Variants in ABCC2 observed in about 807,000 individuals in gnomAD.
The protein encoded by ABCC2 is ATP binding cassette subfamily C member 2, also known as ATP-binding cassette sub-family C member 2.
In ABCC2, 157 loss-of-function variants were observed where a neutral mutation model predicts 173.4. The observed-to-expected ratio is 0.91, with a 90% CI of 0.80 to 1.03. The LOEUF (loss-of-function observed/expected upper bound fraction) is 1.03, where lower values mean the gene tolerates loss of function less well. Among genes scored for constraint, ABCC2 ranks in the 50% least tolerant of loss-of-function variants. The pLI is 0.00. For synonymous variants in ABCC2, 657 were observed against 693.5 expected (o/e 0.95, Z 0.83); for missense variants, 1,822 against 1,852.3 (o/e 0.98, Z 0.30).
intron 19 of ABCC2, among the ~76,000 whole-genome samples, chr10:99,829,529 G>A (rs2038703231): frequency 7.3e-6 from 1 of 137,414 alleles, no homozygotes; most frequent in Non-Finnish European, 1.6e-5. Context: ...CCCCACTGAT[G>A]CCCACACTGT....
chr10:99,807,315 G>A, intron 11 of ABCC2, 69 bp from the exon 12 acceptor site: 2 of 1,591,704 alleles, frequency 1.3e-6, no homozygotes, highest in South Asian at 1.1e-5. Flanking sequence ...TAAAACATGG[G>A]TGGATCAGAT....
At chr10:99,786,028 T>C (rs939948427) in intron 2 of ABCC2, among the ~76,000 whole-genome samples, 1 of 152,212 alleles carries the variant, frequency 6.6e-6, no homozygotes, top group Non-Finnish European at 1.5e-5. Context: ...GTCTCAGAGC[T>C]TGGGACAGTG....
chr10:99,797,198 A>C lies in ABCC2; in HGVS notation c.734A>C (p.His245Pro). The C allele has an allele frequency of 6.2e-7, 1 of 1,614,206 alleles. No individual in the cohort carries two copies. The highest frequency in any genetic ancestry group is 1.1e-5 in the South Asian group (1 of 91,086). The change falls in exon 7 of 32, where the codon CAC becomes CCC. Residue 245 changes from histidine (H) to proline (P), a missense_variant. Transcript: ENST00000647814. ...TKTLVSKFETHMKRELQKARR... is the reference protein window; with the variant it reads ...TKTLVSKFETPMKRELQKARR... The stretch of plus-strand genomic sequence containing the variant: ...ACATTAGTGAGCAAGTTTGAAACGC[A>C]CATGAAGAGAGAGCTGCAGAAAGCC...
intron 19 of ABCC2, 80 bp downstream of exon 19, chr10:99,819,349 C>T (rs916060941): frequency 7.5e-7 from 1 of 1,339,198 alleles, no homozygotes; most frequent in East Asian, 2.3e-5. Flanking sequence ...CTGAACTGCT[C>T]AGTATCCAGT....
At chr10:99,790,134 GT>G (rs762242119) in intron 2 of ABCC2, among the ~76,000 whole-genome samples, 2 of 152,192 alleles carry the variant, frequency 1.3e-5, no homozygotes, top group Non-Finnish European at 2.9e-5. Context: ...AAATGACTGA[GT>G]TAAGGATATG....
At chr10:99,827,478 A>G (rs2038664503) in intron 19 of ABCC2, among the ~76,000 whole-genome samples, 1 of 152,054 alleles carries the variant, frequency 6.6e-6, no homozygotes, top group Admixed American at 6.5e-5. Flanking sequence ...ATTACAATCT[A>G]CTATACAGCT....
chr10:99,801,458 G>A (rs1013124599), intron 9 of ABCC2, among the ~76,000 whole-genome samples: 1 of 152,076 alleles, frequency 6.6e-6, no homozygotes, highest in Admixed American at 6.6e-5. Context: ...GGATGGTCTC[G>A]ATCTCCTGAC....
intron 14 of ABCC2, among the ~76,000 whole-genome samples, chr10:99,810,491 C>G (rs569451166): frequency 6.6e-6 from 1 of 152,276 alleles, no homozygotes; most frequent in East Asian, 1.9e-4. Context: ...CAGGATAGAG[C>G]CAAGTGTGTG....
chr10:99,850,889 T>C, intron 31 of ABCC2, 93 bp downstream of exon 31: 1 of 1,433,152 alleles, frequency 7.0e-7, no homozygotes, highest in South Asian at 1.2e-5. Flanking sequence ...GCAGAAGGTT[T>C]AACCACCACC....
At chr10:99,813,997 A>G (rs1470320518) in intron 16 of ABCC2, among the ~76,000 whole-genome samples, 2 of 151,862 alleles carry the variant, frequency 1.3e-5, no homozygotes, top group African/African-American at 4.8e-5. Flanking sequence ...TGAGAGCTAA[A>G]TCTTTGATGG....
At chr10:99,799,075 A>T in intron 7 of ABCC2, 132 bp from the exon 8 acceptor site, 1 of 935,652 alleles carries the variant, frequency 1.1e-6, no homozygotes, top group South Asian at 1.4e-5. Flanking sequence ...GGGCAGAAGC[A>T]ACTAGGCCAG....
At chr10:99,787,116 C>A in intron 2 of ABCC2, among the ~76,000 whole-genome samples, 2 of 147,762 alleles carry the variant, frequency 1.4e-5, no homozygotes, top group African/African-American at 2.5e-5. Flanking sequence ...TACAGTGAGC[C>A]AAGATCGTGC....
chr10:99,805,588 G>GT, intron 11 of ABCC2, 141 bp downstream of exon 11: 1 of 843,232 alleles, frequency 1.2e-6, no homozygotes, highest in Non-Finnish European at 2.1e-6. Context: ...ATGTCCTCCT[G>GT]TCCCTCTCAG....
chr10:99,835,196 C>T (rs2038800866), intron 24 of ABCC2, among the ~76,000 whole-genome samples: 2 of 152,174 alleles, frequency 1.3e-5, no homozygotes, highest in African/African-American at 4.8e-5. Context: ...GAATTGTTTG[C>T]CTGGGGAAAC....
intron 12 of ABCC2, among the ~76,000 whole-genome samples, 185 bp downstream of exon 12, chr10:99,807,706 T>C (rs910493685): frequency 6.6e-6 from 1 of 152,234 alleles, no homozygotes; most frequent in African/African-American, 2.4e-5. Flanking sequence ...AGCTCTAGTT[T>C]CACCTTCGTG....
At chr10:99,841,945 C>T in intron 25 of ABCC2, 22 bp from the exon 26 acceptor site, 11 of 1,614,090 alleles carry the variant, frequency 6.8e-6, no homozygotes, top group South Asian at 1.1e-5. Flanking sequence ...GACACGCACT[C>T]TCTGGTTCTG....
chr10:99,839,345 C>T (rs1403076697), intron 25 of ABCC2, among the ~76,000 whole-genome samples: 1,067 of 84,526 alleles, frequency 0.013, no homozygotes, highest in East Asian at 0.043. Context: ...CCGGACAGGG[C>T]GGCTGGCTGG....
rs1315180733 is a variant in ABCC2 at position 99,797,336 on chromosome 10, C to T, written c.867+5C>T. On this transcript the variant is annotated splice_donor_5th_base_variant and intron_variant, in intron 7 of 31. Transcript: ENST00000647814. ...AGCCAAGATGCCCTTGTCCTGGTAACTTTCCCTTGAGTGTCTGTGTGAGCG... is the reference window on the plus strand; with the variant it reads ...AGCCAAGATGCCCTTGTCCTGGTAATTTTCCCTTGAGTGTCTGTGTGAGCG... 1.2e-6 allele frequency: 2 copies of T among 1,608,922 alleles called. No homozygotes were observed. The highest frequency in any genetic ancestry group is 1.3e-5 in the African/African-American group (1 of 74,852).
rs1467216756 is a variant in ABCC2, at chr10:99,789,707, C to CT, written c.208-2526dup. ...CCTGGGTGACAGAGCGAAACTCCGTCTCAAAAAAAAAAAAAAAAAGAAAAA... is the reference window on the plus strand; with the variant it reads ...CCTGGGTGACAGAGCGAAACTCCGTCTTCAAAAAAAAAAAAAAAAAGAAAAA... On this transcript the variant is annotated intron_variant, in intron 2 of 31. Coordinates refer to ENST00000647814, the MANE Select transcript of ABCC2 (RefSeq NM_000392.5). Among the ~76,000 whole-genome samples, 446 of 67,686 alleles carry CT rather than the reference C, an allele frequency of 6.6e-3. 3 individuals are homozygous for CT. The highest frequency in any genetic ancestry group is 0.017 in the South Asian group (30 of 1,790). The allele number at this position is 67,686 out of a possible 152,430, so 44.4% of individuals were successfully genotyped here. A position where few individuals can be genotyped will look rare whatever the true frequency, so the allele number is the denominator to read the frequency against.
Sources: gnomAD v4.1 joint callset for allele counts (sites outside exome capture counted in the v4.1 genomes callset) on GRCh38, gnomAD v4.1.1 for gene constraint, MANE v1.5 for transcripts, NCBI Gene and HGNC (gene_info 2026-07-23, HGNC 2026-07-21) for gene names.